Variants in PCGF6 observed in about 807,000 individuals in gnomAD.
The protein encoded by PCGF6 is polycomb group RING finger protein 6.
A neutral mutation model predicts 45.5 loss-of-function variants in PCGF6; 24 were observed. That is an observed-to-expected ratio of 0.53 (90% CI 0.38 to 0.74). The LOEUF is 0.74. PCGF6 is among the 30% of genes least tolerant of loss of function. The probability of loss-of-function intolerance (pLI) is 0.00; values close to 1 mark genes in which losing one functional copy is unlikely to be tolerated. For missense variants in PCGF6, 356 were observed against 443.2 expected (o/e 0.80, Z 1.77); for synonymous variants, 152 against 162.1 (o/e 0.94, Z 0.47).
chr10:103,308,053 A>G (rs535837732), intron 9 of PCGF6, among the ~76,000 whole-genome samples: 1 of 152,248 alleles, frequency 6.6e-6, no homozygotes, highest in Admixed American at 6.5e-5. Flanking sequence ...CTGGATGTCT[A>G]GGCAGAAGCC....
intron 8 of PCGF6, among the ~76,000 whole-genome samples, chr10:103,317,411 T>C (rs2093179980): frequency 6.6e-6 from 1 of 152,224 alleles, no homozygotes; most frequent in Non-Finnish European, 1.5e-5. Flanking sequence ...TTTTCAACTT[T>C]GAATTTTTAC....
rs995224235 is a variant in PCGF6 at position 103,303,630 on chromosome 10, A to G, written c.*275T>C. On this transcript the variant is annotated 3_prime_UTR_variant, in exon 10 of 10. Coordinates refer to ENST00000369847, the MANE Select transcript of PCGF6 (RefSeq NM_001011663.2). ...ACTTCAAAGATGGGAAGCAAAATCA[A>G]TGTCAAGGTATTTAAAATCATAAGA... The G allele has an allele frequency of 1.3e-4, 37 of 286,500 alleles. No homozygotes were observed. Among genetic ancestry groups the G allele is most frequent in the African/African-American group, 7.8e-4 (36 of 45,946 alleles). 17.7% of individuals were successfully genotyped at this position (286,500 alleles called of 1,614,324 possible). A position where few individuals can be genotyped will look rare whatever the true frequency, so the allele number is the denominator to read the frequency against.
chr10:103,305,659 A>C (rs2093135769), intron 9 of PCGF6, among the ~76,000 whole-genome samples: 1 of 152,174 alleles, frequency 6.6e-6, no homozygotes, highest in Non-Finnish European at 1.5e-5. Flanking sequence ...TCACTTCCAC[A>C]TAAATGCAGC....
chr10:103,337,118 T>C (rs2093259991), intron 6 of PCGF6, among the ~76,000 whole-genome samples: 1 of 152,176 alleles, frequency 6.6e-6, no homozygotes, highest in Non-Finnish European at 1.5e-5. Context: ...ATTCCAGTTA[T>C]ACCTGTTTAC....
intron 6 of PCGF6, among the ~76,000 whole-genome samples, chr10:103,342,910 A>G (rs571653442): frequency 8.8e-3 from 118 of 13,364 alleles, no homozygotes; most frequent in African/African-American, 0.011. Context: ...CTTCTTGGGG[A>G]CATAACAAAT....
chr10:103,350,578 G>A (rs2093317146), intron 1 of PCGF6, 129 bp downstream of exon 1: 5 of 941,832 alleles, frequency 5.3e-6, no homozygotes, highest in Non-Finnish European at 7.2e-6. Flanking sequence ...GCAGAGGTCG[G>A]GGGAGGTCCG....
chr10:103,322,489 A>G (rs1261960486), intron 8 of PCGF6, among the ~76,000 whole-genome samples: 1 of 152,022 alleles, frequency 6.6e-6, no homozygotes, highest in African/African-American at 2.4e-5. Context: ...TACAGGTGCA[A>G]GCCACCACGG....
chr10:103,317,919 T>G (rs1157240607), intron 8 of PCGF6, among the ~76,000 whole-genome samples: 1 of 151,254 alleles, frequency 6.6e-6, no homozygotes, highest in African/African-American at 2.4e-5. Flanking sequence ...TCACCACGCA[T>G]GGCTAATTTT....
At chr10:103,340,693 C>T (rs974213336) in intron 6 of PCGF6, among the ~76,000 whole-genome samples, 1 of 151,974 alleles carries the variant, frequency 6.6e-6, no homozygotes, top group Non-Finnish European at 1.5e-5. Flanking sequence ...AACTCCCGGG[C>T]TCAGTCGATC....
chr10:103,323,445 C>T (rs553462583), intron 8 of PCGF6, among the ~76,000 whole-genome samples: 30 of 152,032 alleles, frequency 2.0e-4, no homozygotes, highest in East Asian at 1.6e-3. Context: ...TACAAGCATG[C>T]GCCACCACGC....
intron 8 of PCGF6, among the ~76,000 whole-genome samples, chr10:103,324,524 C>T (rs549862732): frequency 6.6e-5 from 10 of 151,332 alleles, no homozygotes; most frequent in Admixed American, 3.9e-4. Flanking sequence ...TTTGGGAGGC[C>T]GAGGCGGGAG....
At chr10:103,346,023 T>C (rs1228975106) in intron 5 of PCGF6, among the ~76,000 whole-genome samples, 2 of 149,290 alleles carry the variant, frequency 1.3e-5, no homozygotes, top group African/African-American at 5.0e-5. Flanking sequence ...TGAAACCCCA[T>C]CTCTACTAAA....
At chr10:103,305,897 T>TTA (rs2093136658) in intron 9 of PCGF6, among the ~76,000 whole-genome samples, 2 of 137,048 alleles carry the variant, frequency 1.5e-5, no homozygotes, top group Admixed American at 7.4e-5. Context: ...TTATATAATT[T>TTA]AAAAAAAAAA....
chr10:103,327,287 A>AAAAC (rs949092264), intron 7 of PCGF6, among the ~76,000 whole-genome samples: 5 of 152,308 alleles, frequency 3.3e-5, no homozygotes, highest in Admixed American at 6.6e-5. Flanking sequence ...CTCCGTCTAA[A>AAAAC]AAACAAACAA....
chr10:103,335,921 C>A, intron 6 of PCGF6, among the ~76,000 whole-genome samples: 1 of 150,972 alleles, frequency 6.6e-6, no homozygotes, highest in East Asian at 2.0e-4. Flanking sequence ...GAGCTGAGAT[C>A]GTGTCACTAC....
rs747633467 is a variant in PCGF6, at chr10:103,347,443, G to A, written c.565C>T (p.Arg189Ter). The A allele has an allele frequency of 3.7e-6, 6 of 1,604,724 alleles. No homozygotes were observed. Among genetic ancestry groups the A allele is most frequent in the East Asian group, 2.2e-5 (1 of 44,746 alleles). The change falls in exon 4 of 10, where the codon CGA becomes TGA. Residue 189 changes from arginine to a stop codon, truncating the protein, a stop_gained. Transcript: ENST00000369847. LOFTEE classifies it high-confidence loss of function. ...TQPLYNIRLD[R>*]QLQDIVYKLV... is the part of the protein sequence containing the mutation. ...TTGTACACTATGTCTTGTAACTGTC[G>A]GTCCAACCTAATAAAAGGAAAGGAT...
chr10:103,313,617 GA>G (rs59567810), intron 9 of PCGF6, among the ~76,000 whole-genome samples: 65 of 148,026 alleles, frequency 4.4e-4, no homozygotes, highest in African/African-American at 6.6e-4. Flanking sequence ...GTAGCTGATA[GA>G]AAAAAAAAAA....
chr10:103,349,939 GGGC>G (rs1010954618), intron 1 of PCGF6, among the ~76,000 whole-genome samples: 19 of 151,678 alleles, frequency 1.3e-4, no homozygotes, highest in Non-Finnish European at 2.4e-4. Flanking sequence ...AAAATAAGCC[GGGC>G]GTGGTGGCGG....
chr10:103,331,313 C>G (rs2093239352), intron 7 of PCGF6, among the ~76,000 whole-genome samples: 1 of 151,786 alleles, frequency 6.6e-6, no homozygotes, highest in Admixed American at 6.6e-5. Flanking sequence ...AGTGAAGTGG[C>G]ATGATCTCAG....
Sources: gnomAD v4.1 joint callset for allele counts (sites outside exome capture counted in the v4.1 genomes callset) on GRCh38, gnomAD v4.1.1 for gene constraint, MANE v1.5 for transcripts, NCBI Gene and HGNC (gene_info 2026-07-23, HGNC 2026-07-21) for gene names.